The following STK38L variants were observed in gnomAD, a reference collection of about 807,000 sequenced individuals.
STK38L encodes the protein serine/threonine-protein kinase 38-like.
In STK38L, 28 loss-of-function variants were observed where a neutral mutation model predicts 59.7. That is an observed-to-expected ratio of 0.47 (90% CI 0.35 to 0.64). The LOEUF (loss-of-function observed/expected upper bound fraction) is 0.64, where lower values mean the gene tolerates loss of function less well. Ranked by LOEUF, STK38L falls within the 30% of genes least tolerant of loss-of-function variation. The pLI is 0.01. For missense variants in STK38L, 314 were observed against 555.8 expected, an observed-to-expected ratio of 0.56 and a Z score of 4.37; for synonymous variants, 162 against 176.8, an observed-to-expected ratio of 0.92 and a Z score of 0.66.
intron 1 of STK38L, among the ~76,000 whole-genome samples, chr12:27,252,678 G>A (rs1943003011): frequency 6.6e-6 from 1 of 152,240 alleles, no homozygotes; most frequent in South Asian, 2.1e-4. Flanking sequence ...TCCATATGTC[G>A]ACTCTTATCT....
At chr12:27,293,128 C>A (rs752963569) in intron 1 of STK38L, among the ~76,000 whole-genome samples, 1 of 152,146 alleles carries the variant, frequency 6.6e-6, no homozygotes. Context: ...TATTTTTATA[C>A]GGTTAATGCA....
intron 12 of STK38L, among the ~76,000 whole-genome samples, chr12:27,321,926 T>TA (rs1309680410): frequency 1.3e-5 from 2 of 151,890 alleles, no homozygotes; most frequent in Non-Finnish European, 1.5e-5. Flanking sequence ...CCCCAAAAAT[T>TA]AAAAAAATAT....
At chr12:27,322,295 C>G (rs1284530409) in intron 13 of STK38L, 33 bp from the exon 14 acceptor site, 2 of 1,613,010 alleles carry the variant, frequency 1.2e-6, no homozygotes, top group Admixed American at 3.3e-5. Context: ...TGGCATTTCA[C>G]TAATGAAATT....
intron 1 of STK38L, among the ~76,000 whole-genome samples, chr12:27,283,907 C>G (rs574241660): frequency 6.6e-6 from 1 of 152,254 alleles, no homozygotes; most frequent in South Asian, 2.1e-4. Context: ...TTGGGGCGCA[C>G]AGCTAAATAT....
intron 8 of STK38L, 41 bp from the exon 9 acceptor site, chr12:27,315,248 A>G: frequency 6.2e-7 from 1 of 1,607,850 alleles, no homozygotes; most frequent in Non-Finnish European, 8.5e-7. Context: ...TGTGGAGAGC[A>G]TTTTTCCCTC....
intron 1 of STK38L, among the ~76,000 whole-genome samples, chr12:27,281,794 GGAGGCC>G (rs1304517524): frequency 1.3e-5 from 2 of 152,110 alleles, no homozygotes; most frequent in African/African-American, 2.4e-5. Flanking sequence ...CAGCACTTTG[GGAGGCC>G]GAGACGGGTG....
At chr12:27,270,790 A>G (rs1943407094) in intron 1 of STK38L, among the ~76,000 whole-genome samples, 1 of 152,218 alleles carries the variant, frequency 6.6e-6, no homozygotes, top group Non-Finnish European at 1.5e-5. Context: ...CTGGGATTAT[A>G]GGTGTGAACC....
chr12:27,281,149 G>A (rs1943650026), intron 1 of STK38L, among the ~76,000 whole-genome samples: 1 of 3,784 alleles, frequency 2.6e-4, no homozygotes, highest in East Asian at 2.0e-3. Flanking sequence ...GCAGTGGCGG[G>A]ATCTCGGCTC....
intron 1 of STK38L, among the ~76,000 whole-genome samples, chr12:27,288,967 T>G (rs1259744777): frequency 6.6e-6 from 1 of 152,132 alleles, no homozygotes; most frequent in East Asian, 1.9e-4. Context: ...GATTTAAAAT[T>G]CTTTTAGGGA....
chr12:27,308,416 T>A lies in STK38L; in HGVS notation c.264T>A (p.Asp88Glu). 2 of 1,599,672 alleles carry A rather than the reference T, an allele frequency of 1.3e-6. No individual in the cohort carries two copies. The highest frequency in any genetic ancestry group is 1.7e-6 in the Non-Finnish European group (2 of 1,171,294). Residue 88 changes from aspartate (D) to glutamate (E), a missense_variant, in exon 4 of 14, where the codon GAT (aspartate) becomes GAA (glutamate). Asp to Glu is a conservative substitution (Grantham distance 45, BLOSUM62 2). Around this residue, in one of 3 missense-constraint regions of STK38L, gnomAD observed 192 missense variants for 316.9 expected, o/e 0.61. Transcript: ENST00000389032. The surrounding 1 kb of genome is among the most constrained non-coding windows in gnomAD (Gnocchi z 4.5). ...LRLKRTRLGL[D>E]DFESLKVIGR... ...TCAAAAGGACCAGACTTGGCTTGGA[T>A]GACTTTGAGTCTCTGAAAGTTATAG...
chr12:27,272,191 G>A (rs1943438538), intron 1 of STK38L, among the ~76,000 whole-genome samples: 2 of 152,126 alleles, frequency 1.3e-5, no homozygotes, highest in Admixed American at 1.3e-4. Context: ...AACGAATTAA[G>A]GTCAATTCAT....
At chr12:27,298,588 A>T (rs1371746989) in intron 2 of STK38L, among the ~76,000 whole-genome samples, 2 of 152,256 alleles carry the variant, frequency 1.3e-5, no homozygotes, top group African/African-American at 4.8e-5. Flanking sequence ...ACATAAATAT[A>T]TAAATGAAAG....
intron 1 of STK38L, among the ~76,000 whole-genome samples, chr12:27,248,788 C>G (rs1459284985): frequency 1.3e-5 from 2 of 152,094 alleles, no homozygotes; most frequent in Non-Finnish European, 2.9e-5. Flanking sequence ...AGAACTAAAG[C>G]CAGGATTTAA....
intron 1 of STK38L, among the ~76,000 whole-genome samples, chr12:27,266,429 AACTTT>A (rs1477067513): frequency 6.6e-5 from 10 of 152,320 alleles, no homozygotes; most frequent in East Asian, 3.9e-4. Flanking sequence ...GCTTCTATTG[AACTTT>A]ACTTAAGTAA....
intron 1 of STK38L, among the ~76,000 whole-genome samples, chr12:27,269,402 G>A (rs1038849696): frequency 6.6e-6 from 1 of 152,034 alleles, no homozygotes; most frequent in Non-Finnish European, 1.5e-5. Flanking sequence ...TCTTGTTTTT[G>A]TCAGGTTTGT....
intron 3 of STK38L, among the ~76,000 whole-genome samples, chr12:27,305,026 C>G (rs972562743): frequency 3.3e-5 from 5 of 152,182 alleles, no homozygotes; most frequent in African/African-American, 1.2e-4. Context: ...ATAAGAGTCC[C>G]AGCCCATGTG....
chr12:27,267,997 G>A (rs1591863415), intron 1 of STK38L, among the ~76,000 whole-genome samples: 2 of 152,286 alleles, frequency 1.3e-5, no homozygotes, highest in East Asian at 3.9e-4. Flanking sequence ...TAGTACCTGA[G>A]ACATAGAAAC....
intron 1 of STK38L, among the ~76,000 whole-genome samples, chr12:27,255,228 G>T (rs151188492): frequency 6.6e-6 from 1 of 152,124 alleles, no homozygotes; most frequent in Non-Finnish European, 1.5e-5. Flanking sequence ...AATTTTTACC[G>T]TAGTAAAACT....
chr12:27,297,905 T>G, intron 2 of STK38L, 51 bp downstream of exon 2: 1 of 1,599,192 alleles, frequency 6.3e-7, no homozygotes. Context: ...GCTGTTGTGC[T>G]GTGAGTGGAA....
Sources: gnomAD v4.1 joint callset for allele counts (sites outside exome capture counted in the v4.1 genomes callset) on GRCh38, gnomAD v4.1.1 for gene constraint, gnomAD v4.1.1 regional missense constraint, Gnocchi (gnomAD v3.1) non-coding constraint, MANE v1.5 for transcripts, NCBI Gene and HGNC (gene_info 2026-07-23, HGNC 2026-07-21) for gene names.